The following LOC128125817 variants were observed in gnomAD, a reference collection of about 807,000 sequenced individuals.
the LOC128125817 span, among the ~76,000 whole-genome samples, chr1:41,605,406 C>T: frequency 7.4e-4 from 106 of 143,442 alleles, 4 homozygotes; most frequent in Non-Finnish European, 3.0e-5. Flanking sequence ...CACACACACA[C>T]ATACATATGT....
the LOC128125817 span, among the ~76,000 whole-genome samples, chr1:41,615,968 T>A: frequency 6.6e-6 from 1 of 151,932 alleles, no homozygotes; most frequent in Admixed American, 6.6e-5. Context: ...CTTTAACAAG[T>A]GTGTTTTCTC....
At chr1:41,613,501 A>C in the LOC128125817 span, among the ~76,000 whole-genome samples, 225 of 152,346 alleles carry the variant, frequency 1.5e-3, no homozygotes, top group African/African-American at 5.1e-3. Context: ...TTGTGAGTGA[A>C]TAAATAAATA....
chr1:41,602,104 T>C, the LOC128125817 span, among the ~76,000 whole-genome samples: 2 of 152,224 alleles, frequency 1.3e-5, no homozygotes, highest in African/African-American at 4.8e-5. Flanking sequence ...CACTTGGTCA[T>C]GGTGTATGAT....
At chr1:41,594,873 T>G in the LOC128125817 span, among the ~76,000 whole-genome samples, 1 of 152,226 alleles carries the variant, frequency 6.6e-6, no homozygotes, top group African/African-American at 2.4e-5. Flanking sequence ...TTCCTTTCCA[T>G]TGTCACCTTG....
At chr1:41,621,427 T>A in the LOC128125817 span, among the ~76,000 whole-genome samples, 1 of 152,226 alleles carries the variant, frequency 6.6e-6, no homozygotes, top group Non-Finnish European at 1.5e-5. Context: ...CCCCTCTGTC[T>A]CCCAAGGGAG....
the LOC128125817 span, among the ~76,000 whole-genome samples, chr1:41,620,171 G>C: frequency 6.6e-6 from 1 of 152,180 alleles, no homozygotes. Flanking sequence ...CCGAACAGAG[G>C]CAAGACAGCA....
At chr1:41,614,918 G>A in the LOC128125817 span, among the ~76,000 whole-genome samples, 1 of 152,180 alleles carries the variant, frequency 6.6e-6, no homozygotes, top group Non-Finnish European at 1.5e-5. Flanking sequence ...TAAGTAGGGA[G>A]CCCTCCATGA....
chr1:41,622,990 A>G, the LOC128125817 span, among the ~76,000 whole-genome samples: 11 of 152,364 alleles, frequency 7.2e-5, no homozygotes, highest in Admixed American at 3.9e-4. Context: ...TGAGGCACAG[A>G]GAAGTGAAGT....
At chr1:41,616,259 T>C in the LOC128125817 span, among the ~76,000 whole-genome samples, 1 of 152,188 alleles carries the variant, frequency 6.6e-6, no homozygotes, top group Non-Finnish European at 1.5e-5. Context: ...CCATGTGGGC[T>C]CCACTGATGA....
chr1:41,602,515 C>T, the LOC128125817 span, among the ~76,000 whole-genome samples: 11 of 152,204 alleles, frequency 7.2e-5, no homozygotes, highest in South Asian at 2.3e-3. Context: ...AGTTATCCAG[C>T]TTGTTGGCAT....
the LOC128125817 span, among the ~76,000 whole-genome samples, chr1:41,603,403 A>C: frequency 6.6e-6 from 1 of 150,726 alleles, no homozygotes; most frequent in South Asian, 2.1e-4. Flanking sequence ...ACTGTCACCC[A>C]GGCTGGAGAG....
the LOC128125817 span, among the ~76,000 whole-genome samples, chr1:41,618,752 C>G: frequency 1.3e-5 from 2 of 152,196 alleles, no homozygotes; most frequent in South Asian, 4.1e-4. Flanking sequence ...GGCCCATTTT[C>G]CAGATGAGGA....
At chr1:41,608,378 C>A in the LOC128125817 span, among the ~76,000 whole-genome samples, 1 of 152,234 alleles carries the variant, frequency 6.6e-6, no homozygotes, top group African/African-American at 2.4e-5. Flanking sequence ...CACATCCAGT[C>A]TGCTAGAGAG....
chr1:41,602,128 T>A, the LOC128125817 span, among the ~76,000 whole-genome samples: 1 of 151,962 alleles, frequency 6.6e-6, no homozygotes, highest in South Asian at 2.1e-4. Flanking sequence ...TTTAATGCAC[T>A]ATTTGGTTTG....
At chr1:41,612,820 G>A in the LOC128125817 span, among the ~76,000 whole-genome samples, 1 of 152,218 alleles carries the variant, frequency 6.6e-6, no homozygotes, top group African/African-American at 2.4e-5. Context: ...GCCAGCCCCT[G>A]TCCCCTCCCT....
the LOC128125817 span, among the ~76,000 whole-genome samples, chr1:41,611,588 G>A: frequency 3.3e-5 from 5 of 152,226 alleles, no homozygotes; most frequent in Non-Finnish European, 7.3e-5. Flanking sequence ...GCAAGCCAAG[G>A]CAGGCAGGGG....
chr1:41,590,138 G>C, the LOC128125817 span, among the ~76,000 whole-genome samples: 20 of 152,328 alleles, frequency 1.3e-4, no homozygotes, highest in African/African-American at 4.6e-4. Context: ...GGGCTCAGGT[G>C]GTGGCAAAAC....
the LOC128125817 span, among the ~76,000 whole-genome samples, chr1:41,586,939 G>C: frequency 6.6e-6 from 1 of 151,932 alleles, no homozygotes; most frequent in Non-Finnish European, 1.5e-5. Flanking sequence ...TGGAAATAAG[G>C]CAAAAAGTCA....
the LOC128125817 span, among the ~76,000 whole-genome samples, chr1:41,609,198 T>C: frequency 6.6e-6 from 1 of 152,250 alleles, no homozygotes; most frequent in Non-Finnish European, 1.5e-5. Flanking sequence ...TTCCAGGATG[T>C]GGACACCGGA....
Sources: gnomAD v4.1 joint callset for allele counts (sites outside exome capture counted in the v4.1 genomes callset) on GRCh38, gnomAD v4.1.1 for gene constraint, MANE v1.5 for transcripts.